USP35: variants seen among roughly 807,000 people sequenced by gnomAD.
USP35 encodes ubiquitin specific peptidase 35, also known as ubiquitin carboxyl-terminal hydrolase 35.
USP35 carries 69 observed loss-of-function variants against 83.8 expected under a neutral mutation model. The observed-to-expected ratio is 0.82, with a 90% CI of 0.68 to 1.01. The LOEUF (loss-of-function observed/expected upper bound fraction) is 1.01. Among genes scored for constraint, USP35 ranks in the 50% least tolerant of loss-of-function variants. The pLI, the probability that USP35 is intolerant of heterozygous loss-of-function variation, is 0.00. For missense variants in USP35, 1,503 were observed against 1,362.5 expected (o/e 1.10, Z -1.62); for synonymous variants, 714 against 589.5 (o/e 1.21, Z -3.06).
chr11:78,211,688 C>T lies in USP35; in HGVS notation c.2889+944C>T, dbSNP rs1322724769. On this transcript the variant is annotated intron_variant, in intron 10 of 10. Coordinates refer to ENST00000529308, the MANE Select transcript of USP35 (RefSeq NM_020798.4). Reference sequence around the variant, plus strand: ...GTATCTCATTGTGGTTTTGATTTCTCTAATGGTCAGTGATGTTGAATTTTT... The same window carrying T: ...GTATCTCATTGTGGTTTTGATTTCTTTAATGGTCAGTGATGTTGAATTTTT... Among the ~76,000 whole-genome samples, 3 of 152,190 alleles carry T rather than the reference C, an allele frequency of 2.0e-5. No homozygotes were observed. In the East Asian group the frequency reaches 5.8e-4, roughly 29 times the overall value.
At chr11:78,204,242 G>A (rs552674923) in intron 6 of USP35, among the ~76,000 whole-genome samples, 30 of 152,256 alleles carry the variant, frequency 2.0e-4, no homozygotes, top group Non-Finnish European at 3.5e-4. Flanking sequence ...CTGTGGCTTC[G>A]AACACTCCTG....
rs1863651833 is a variant in USP35, at chr11:78,209,488, A to G, written c.1633A>G (p.Lys545Glu). The change falls in exon 10 of 11, where the codon AAA becomes GAA. Residue 545 changes from lysine (K) to glutamate (E), a missense_variant. Coordinates refer to ENST00000529308, the MANE Select transcript of USP35 (RefSeq NM_020798.4). Reference protein sequence around the residue: ...EEKTGTRICQKLKQSSSPSPP... With the variant: ...EEKTGTRICQELKQSSSPSPP... The stretch of plus-strand genomic sequence containing the variant: ...GAAAACGGGCACAAGGATCTGCCAG[A>G]AACTCAAGCAGTCCAGCTCGCCCTC... 2 of 1,612,778 alleles carry G rather than the reference A, an allele frequency of 1.2e-6. No individual in the cohort carries two copies. The highest frequency in any genetic ancestry group is 1.7e-6 in the Non-Finnish European group (2 of 1,179,182).
chr11:78,196,414 C>CTT lies in USP35; in HGVS notation c.169_170insTT (p.Pro57LeufsTer134). On this transcript the variant is annotated frameshift_variant, in exon 2 of 11. Coordinates refer to ENST00000529308, the MANE Select transcript of USP35 (RefSeq NM_020798.4). LOFTEE classifies it high-confidence loss of function. The surrounding 1 kb of genome is among the most constrained non-coding windows in gnomAD (Gnocchi z 4.8). ...CTACGTGGGCGGCGCGGAGGAGCTG[C>CTT]CGCGCCGCGTGGGCTGCCAGCTGCT... 2 of 1,305,560 alleles carry CTT rather than the reference C, an allele frequency of 1.5e-6. No individual in the cohort carries two copies. The highest frequency in any genetic ancestry group is 6.9e-5 in the East Asian group (2 of 29,178). The allele number at this position is 1,305,560 out of a possible 1,614,324, so 80.9% of individuals were successfully genotyped here. A position where few individuals can be genotyped will look rare whatever the true frequency, so the allele number is the denominator to read the frequency against.
the USP35 span, among the ~76,000 whole-genome samples, chr11:78,225,408 A>G: frequency 6.6e-6 from 1 of 152,202 alleles, no homozygotes; most frequent in Non-Finnish European, 1.5e-5. Context: ...CAGTGTTAGC[A>G]TCTGCAGAGA....
chr11:78,234,470 TC>T, the USP35 span, among the ~76,000 whole-genome samples: 1 of 151,988 alleles, frequency 6.6e-6, no homozygotes, highest in Non-Finnish European at 1.5e-5. Flanking sequence ...GGGTTGCTGT[TC>T]TTTTTTTATT....
At chr11:78,220,385 C>T in the USP35 span, 1 of 1,612,620 alleles carries the variant, frequency 6.2e-7, no homozygotes, top group African/African-American at 1.3e-5. Flanking sequence ...TGCCGGTGCT[C>T]TTCTTAGGGG....
At position 78,214,173 on chromosome 11, in the gene USP35, T is replaced by C. The variant is rs1863953973; in HGVS notation, c.*360T>C. 5.3e-6 allele frequency: 1 copy of C among 188,310 alleles called. No homozygotes were observed. Among genetic ancestry groups the C allele is most frequent in the Admixed American group, 6.3e-5 (1 of 15,754 alleles). 11.7% of individuals were successfully genotyped at this position (188,310 alleles called of 1,614,324 possible). On this transcript the variant is annotated 3_prime_UTR_variant, in exon 11 of 11. Transcript: ENST00000529308. The stretch of plus-strand genomic sequence containing the variant: ...TCAGCTCCAATGTTTTGACATCAAG[T>C]ACTATTTTCCTTCCGACTGCTGTAC...
intron 8 of USP35, 38 bp downstream of exon 8, chr11:78,207,661 G>A (rs774900218): frequency 3.1e-6 from 5 of 1,595,460 alleles, no homozygotes; most frequent in East Asian, 2.2e-5. Context: ...TGGAGAGGCA[G>A]CTCTGGTCAG....
intron 6 of USP35, among the ~76,000 whole-genome samples, chr11:78,201,072 A>G (rs767367533): frequency 1.1e-3 from 169 of 152,068 alleles, no homozygotes; most frequent in Non-Finnish European, 1.4e-3. Context: ...TCAGTGTAGT[A>G]TGGAAATTAA....
intron 1 of USP35, among the ~76,000 whole-genome samples, chr11:78,193,135 TTG>T (rs1863049584): frequency 6.6e-6 from 1 of 152,150 alleles, no homozygotes; most frequent in Admixed American, 6.5e-5. Flanking sequence ...AGCAACTGCC[TTG>T]TCACGGGCAC....
intron 1 of USP35, among the ~76,000 whole-genome samples, chr11:78,192,752 G>A (rs184225462): frequency 1.1e-4 from 17 of 152,270 alleles, no homozygotes; most frequent in East Asian, 1.9e-4. Context: ...TTGATCATTC[G>A]GTTTCATGCG....
the USP35 span, among the ~76,000 whole-genome samples, chr11:78,236,993 T>C: frequency 6.6e-6 from 1 of 152,238 alleles, no homozygotes; most frequent in Non-Finnish European, 1.5e-5. Flanking sequence ...ATGGGGGATA[T>C]TCTCTGTAAT....
Position 78,205,854 on chromosome 11 carries a change from C to A in USP35, c.1210C>A (p.Pro404Thr). The A allele has an allele frequency of 6.2e-7, 1 of 1,613,158 alleles. No individual in the cohort carries two copies. The change falls in exon 7 of 11, where the codon CCC (proline) becomes ACC (threonine). Residue 404 changes from proline (P) to threonine (T), a missense_variant. Physicochemically the swap from Pro to Thr is conservative, Grantham distance 38 (BLOSUM62 -1). Transcript: ENST00000529308. ...VMEAIKDLHVPNEDRIKQLLG... is the reference protein window; with the variant it reads ...VMEAIKDLHVTNEDRIKQLLG... Reference sequence around the variant, plus strand: ...ATTCCCTCCTCAGGACCTCCATGTTCCCAATGAGGACCGCATCAAGCAGCT... The same window carrying A: ...ATTCCCTCCTCAGGACCTCCATGTTACCAATGAGGACCGCATCAAGCAGCT...
At chr11:78,213,541 C>A in intron 10 of USP35, 105 bp from the exon 11 acceptor site, 1 of 1,316,714 alleles carries the variant, frequency 7.6e-7, no homozygotes, top group Non-Finnish European at 9.8e-7. Flanking sequence ...GTGTCCAGGC[C>A]CTGGGGACCT....
chr11:78,201,428 C>T (rs1022780554), intron 6 of USP35, among the ~76,000 whole-genome samples: 1 of 152,206 alleles, frequency 6.6e-6, no homozygotes, highest in Non-Finnish European at 1.5e-5. Context: ...TTGAGAGGAT[C>T]GCAGCCTGGT....
In USP35 at chr11:78,209,545, A is replaced by G. The variant is rs1296796661; in HGVS notation, c.1690A>G (p.Thr564Ala). Residue 564 changes from threonine (T) to alanine (A), a missense_variant, in exon 10 of 11, where the codon ACC (threonine) becomes GCC (alanine). Transcript: ENST00000529308. The part of the protein sequence containing the change: ...PPEEPPAPSS[T>A]SVEKMFGGKI... ...CGAGGAGCCCCCGGCCCCAAGTTCA[A>G]CCTCTGTGGAAAAAATGTTTGGAGG... 6 of 1,613,968 alleles carry G rather than the reference A, an allele frequency of 3.7e-6. No individual in the cohort carries two copies. The highest frequency in any genetic ancestry group is 2.5e-6 in the Non-Finnish European group (3 of 1,179,982).
chr11:78,192,036 G>T (rs1863021769), intron 1 of USP35, among the ~76,000 whole-genome samples: 1 of 151,938 alleles, frequency 6.6e-6, no homozygotes, highest in Admixed American at 6.6e-5. Context: ...GTAGAGATGG[G>T]GTTTCACCGT....
At chr11:78,213,615 A>T in intron 10 of USP35, 31 bp from the exon 11 acceptor site, 1 of 967,722 alleles carries the variant, frequency 1.0e-6, no homozygotes, top group Non-Finnish European at 1.3e-6. Context: ...GTGAATTCTA[A>T]GTCTAAGTCT....
Position 78,196,273 on chromosome 11 carries a change from A to G in USP35, c.28A>G (p.Thr10Ala), listed in dbSNP as rs758223471. The part of the protein sequence containing the change: MDKILEAVV[T>A]SSYPVSVKQG... The stretch of plus-strand genomic sequence containing the variant: ...GGACAAGATCTTGGAGGCGGTGGTG[A>G]CGTCGTCATACCCGGTCAGCGTGAA... Residue 10 changes from threonine (T) to alanine (A), a missense_variant, in exon 2 of 11, where the codon ACG (threonine) becomes GCG (alanine). Coordinates refer to ENST00000529308, the MANE Select transcript of USP35 (RefSeq NM_020798.4). This position sits in a 1 kb window ranked among gnomAD's most constrained non-coding sequence, Gnocchi z 4.8. 8 of 1,595,416 alleles carry G rather than the reference A, an allele frequency of 5.0e-6. No homozygotes were observed. Among genetic ancestry groups the G allele is most frequent in the Non-Finnish European group, 6.8e-6 (8 of 1,177,804 alleles).
Sources: allele counts gnomAD v4.1 joint callset (sites outside exome capture counted in the v4.1 genomes callset), GRCh38; gene constraint gnomAD v4.1.1; non-coding constraint Gnocchi (gnomAD v3.1); transcripts MANE v1.5; gene names NCBI Gene and HGNC (gene_info 2026-07-23, HGNC 2026-07-21).